The following ARHGAP26 variants were observed in gnomAD, a reference collection of about 807,000 sequenced individuals.
The protein encoded by ARHGAP26 is Rho GTPase activating protein 26, also known as rho GTPase-activating protein 26.
In ARHGAP26, 38 loss-of-function variants were observed where a neutral mutation model predicts 104.8. The ratio of observed to expected loss-of-function variants is 0.36; its 90% CI spans 0.28 to 0.48. The LOEUF (loss-of-function observed/expected upper bound fraction) is 0.48, where lower values mean the gene tolerates loss of function less well. Among genes scored for constraint, ARHGAP26 ranks in the 20% least tolerant of loss-of-function variants. The pLI is 0.99. For synonymous variants in ARHGAP26, 341 were observed against 340.0 expected, an observed-to-expected ratio of 1.00 and a Z score of -0.03; for missense variants, 704 against 947.9, an observed-to-expected ratio of 0.74 and a Z score of 3.38.
intron 1 of ARHGAP26, among the ~76,000 whole-genome samples, chr5:142,838,715 G>A (rs572070843): frequency 6.6e-6 from 1 of 152,334 alleles, no homozygotes; most frequent in Middle Eastern, 3.4e-3. Flanking sequence ...CACAGAACAA[G>A]CTGGTTTGAG....
intron 1 of ARHGAP26, among the ~76,000 whole-genome samples, chr5:142,869,272 C>T (rs1754900406): frequency 6.7e-6 from 1 of 149,608 alleles, no homozygotes; most frequent in Non-Finnish European, 1.5e-5. Flanking sequence ...AATGGTGCAA[C>T]CTCGGCTCAC....
At chr5:143,166,837 A>G (rs1802025740) in intron 20 of ARHGAP26, among the ~76,000 whole-genome samples, 1 of 152,232 alleles carries the variant, frequency 6.6e-6, no homozygotes, top group Non-Finnish European at 1.5e-5. Flanking sequence ...TTTGCAGACA[A>G]TTACAACAAA....
chr5:143,182,690 C>T (rs892866336), intron 20 of ARHGAP26, among the ~76,000 whole-genome samples: 1 of 152,186 alleles, frequency 6.6e-6, no homozygotes, highest in Admixed American at 6.5e-5. Context: ...TTTATATACT[C>T]ATAGCCCTGA....
chr5:143,026,505 G>C (rs936901415), intron 12 of ARHGAP26, among the ~76,000 whole-genome samples: 2 of 152,118 alleles, frequency 1.3e-5, no homozygotes, highest in South Asian at 4.1e-4. Context: ...CGTGTCAGGA[G>C]TGGGTAGATG....
At chr5:142,788,839 T>C (rs1759195455) in intron 1 of ARHGAP26, among the ~76,000 whole-genome samples, 1 of 152,250 alleles carries the variant, frequency 6.6e-6, no homozygotes, top group African/African-American at 2.4e-5. Flanking sequence ...GTAGAATATC[T>C]CCACCATTTA....
chr5:142,967,596 A>G (rs577543860), intron 11 of ARHGAP26, among the ~76,000 whole-genome samples: 10 of 152,334 alleles, frequency 6.6e-5, no homozygotes, highest in African/African-American at 2.2e-4. Flanking sequence ...CCTGGCTAAC[A>G]TGTTGAAACC....
At chr5:143,100,397 C>G (rs1237191636) in intron 17 of ARHGAP26, among the ~76,000 whole-genome samples, 1 of 152,218 alleles carries the variant, frequency 6.6e-6, no homozygotes, top group Non-Finnish European at 1.5e-5. Context: ...AAGGAACATC[C>G]AGTCACTAGC....
In ARHGAP26 at chr5:143,148,680, C is replaced by T. The variant is rs1022012329; in HGVS notation, c.1988+1299C>T. On this transcript the variant is annotated intron_variant, in intron 20 of 22. Transcript: ENST00000645722. ...TGGCTTATGGGCAGTGAGTCTCTTCCGGTTCTCCATGGCTGGGCTTGCCTA... is the reference window on the plus strand; with the variant it reads ...TGGCTTATGGGCAGTGAGTCTCTTCTGGTTCTCCATGGCTGGGCTTGCCTA... Among the ~76,000 whole-genome samples the T allele has an allele frequency of 6.6e-5, 10 of 152,306 alleles. No individual in the cohort carries two copies. The South Asian group carries it at 1.4e-3, about 22-fold the overall frequency.
intron 15 of ARHGAP26, among the ~76,000 whole-genome samples, chr5:143,055,194 AC>A (rs1785623432): frequency 2.0e-5 from 3 of 152,196 alleles, no homozygotes; most frequent in African/African-American, 7.2e-5. Flanking sequence ...AAAAGGTGGG[AC>A]CTAGTCTTAA....
intron 8 of ARHGAP26, among the ~76,000 whole-genome samples, chr5:142,905,998 C>T (rs574836885): frequency 2.9e-4 from 44 of 152,280 alleles, no homozygotes; most frequent in Admixed American, 2.7e-3. Context: ...AACAGTTCTC[C>T]AGCTTTTCTT....
chr5:143,191,532 T>C (rs924564457), intron 20 of ARHGAP26, among the ~76,000 whole-genome samples: 3 of 152,234 alleles, frequency 2.0e-5, no homozygotes, highest in Non-Finnish European at 4.4e-5. Context: ...GTGAACTTTA[T>C]TCTATATACT....
intron 11 of ARHGAP26, among the ~76,000 whole-genome samples, chr5:142,938,269 A>C (rs1014162620): frequency 6.6e-6 from 1 of 152,218 alleles, no homozygotes; most frequent in Non-Finnish European, 1.5e-5. Context: ...AAAGTTAGCT[A>C]TTCAGATAGT....
chr5:142,794,842 G>C (rs1760644417), intron 1 of ARHGAP26, among the ~76,000 whole-genome samples: 1 of 152,184 alleles, frequency 6.6e-6, no homozygotes, highest in African/African-American at 2.4e-5. Flanking sequence ...ACGAGAGCTA[G>C]TTCTTTATCT....
intron 16 of ARHGAP26, among the ~76,000 whole-genome samples, chr5:143,056,316 CTT>C (rs10672936): frequency 8.7e-5 from 7 of 80,092 alleles, no homozygotes; most frequent in African/African-American, 2.4e-4. Context: ...CTTCAGAAGT[CTT>C]TTTTTTTTTT....
At chr5:143,190,882 G>A (rs967722112) in intron 20 of ARHGAP26, among the ~76,000 whole-genome samples, 1 of 152,194 alleles carries the variant, frequency 6.6e-6, no homozygotes, top group Non-Finnish European at 1.5e-5. Context: ...ACTTATACAC[G>A]CCAGAACATG....
In ARHGAP26 at chr5:142,894,250, G is replaced by C. The variant is rs778654613; in HGVS notation, c.499G>C (p.Val167Leu). 6.2e-7 allele frequency: 1 copy of C among 1,613,932 alleles called. No individual in the cohort carries two copies. The highest frequency in any genetic ancestry group is 1.1e-5 in the South Asian group (1 of 91,074). The change falls in exon 6 of 23, where the codon GTG becomes CTG. Residue 167 changes from valine (V) to leucine (L), a missense_variant. By Grantham distance (32) the Val-to-Leu change is conservative. Coordinates refer to ENST00000645722, the MANE Select transcript of ARHGAP26 (RefSeq NM_001135608.3). ...ESQLQEADSQ[V>L]DLVRQHFYEV... ...ATCTTGTTTGTAGGCAGACAGCCAA[G>C]TGGACCTGGTCCGGCAGCATTTCTA...
chr5:142,928,488 G>T (rs989682144), intron 10 of ARHGAP26, among the ~76,000 whole-genome samples: 1 of 152,150 alleles, frequency 6.6e-6, no homozygotes. Context: ...GGTGTTTGCA[G>T]AAGTGCATGG....
intron 1 of ARHGAP26, among the ~76,000 whole-genome samples, chr5:142,833,305 C>T (rs1213057314): frequency 6.6e-6 from 1 of 151,832 alleles, no homozygotes; most frequent in Non-Finnish European, 1.5e-5. Context: ...AGGTGATCTG[C>T]CTGCCTCAGC....
chr5:142,992,508 A>G lies in ARHGAP26; in HGVS notation c.1108-21572A>G, dbSNP rs547240686. 2.6e-5 allele frequency among the ~76,000 whole-genome samples: 4 copies of G among 150,972 alleles called. No homozygotes were observed. The South Asian group carries it at 8.4e-4, about 32-fold the overall frequency. On this transcript the variant is annotated intron_variant, in intron 11 of 22. Coordinates refer to ENST00000645722, the MANE Select transcript of ARHGAP26 (RefSeq NM_001135608.3). ...GAGTGCAGTGGCGTAATCTCTGCTC[A>G]CTGCAACCTCCTGGGTTCACGTCAT...
Sources: gnomAD v4.1 joint callset for allele counts (sites outside exome capture counted in the v4.1 genomes callset) on GRCh38, gnomAD v4.1.1 for gene constraint, MANE v1.5 for transcripts, NCBI Gene and HGNC (gene_info 2026-07-23, HGNC 2026-07-21) for gene names.